Variants in MACO1 observed in about 807,000 individuals in gnomAD.
The protein encoded by MACO1 is macoilin.
MACO1 carries 14 observed loss-of-function variants against 78.7 expected under a neutral mutation model. That is an observed-to-expected ratio of 0.18 (90% CI 0.12 to 0.28). The LOEUF (loss-of-function observed/expected upper bound fraction) is 0.28, where lower values mean the gene tolerates loss of function less well. MACO1 is among the 10% of genes least tolerant of loss of function. The pLI, the probability that MACO1 is intolerant of heterozygous loss-of-function variation, is 1.00. For missense variants in MACO1, 501 were observed against 799.0 expected (o/e 0.63, Z 4.50); for synonymous variants, 288 against 291.6 (o/e 0.99, Z 0.12).
At chr1:25,489,022 T>C in intron 8 of MACO1, 151 bp from the exon 9 acceptor site, 1 of 849,424 alleles carries the variant, frequency 1.2e-6, no homozygotes, top group African/African-American at 1.7e-5. Flanking sequence ...GGTTTCACCA[T>C]GCTGGTCAGG....
chr1:25,454,418 A>G lies in MACO1; in HGVS notation c.473+36A>G, dbSNP rs78382369. 2,647 of 1,038,950 alleles carry G rather than the reference A, an allele frequency of 2.5e-3. 3 individuals carry two copies. The highest frequency in any genetic ancestry group is 3.9e-3 in the East Asian group (112 of 28,426). 64.4% of individuals were successfully genotyped at this position (1,038,950 alleles called of 1,614,324 possible). On this transcript the variant is annotated intron_variant, in intron 4 of 10. Coordinates refer to ENST00000374343, the MANE Select transcript of MACO1 (RefSeq NM_018202.6). ...CATAAATGTATGTGTGTGTGTGTGT[A>G]TATGTGTGTATGTATATATATGTGT...
intron 1 of MACO1, among the ~76,000 whole-genome samples, chr1:25,437,771 A>G (rs2124568258): frequency 6.6e-6 from 1 of 152,280 alleles, no homozygotes; most frequent in Admixed American, 6.5e-5. Flanking sequence ...ATTCAAAAAA[A>G]TTAGCTGGGT....
rs1217088692 is a variant in MACO1 at position 25,491,211 on chromosome 1, G to C, written c.1618-199G>C. On this transcript the variant is annotated intron_variant, in intron 9 of 10. Coordinates refer to ENST00000374343, the MANE Select transcript of MACO1 (RefSeq NM_018202.6). ...AGACACATGCCCAGCACAGTCAAAT[G>C]ATCATCTTCTAAATATTTTTGTATG... The C allele has an allele frequency of 2.0e-5, 4 of 197,540 alleles. No individual in the cohort carries two copies. In the East Asian group the frequency reaches 7.4e-4, roughly 37 times the overall value. The allele number at this position is 197,540 out of a possible 1,614,324, so 12.2% of individuals were successfully genotyped here.
chr1:25,444,287 T>TGG lies in MACO1; in HGVS notation c.81-2471_81-2470dup, dbSNP rs554494287. Among the ~76,000 whole-genome samples, 435 of 150,838 alleles carry TGG rather than the reference T, an allele frequency of 2.9e-3. 1 individual carries two copies. The highest frequency in any genetic ancestry group is 4.3e-3 in the Non-Finnish European group (289 of 67,730). On this transcript the variant is annotated intron_variant, in intron 1 of 10. Coordinates refer to ENST00000374343, the MANE Select transcript of MACO1 (RefSeq NM_018202.6). ...ATAAATAAATAAATAAATAAAGAGA[T>TGG]GGGGGTCTCACTTTGTTGACCAGGC...
At chr1:25,434,280 G>C (rs1377475151) in intron 1 of MACO1, among the ~76,000 whole-genome samples, 1 of 152,202 alleles carries the variant, frequency 6.6e-6, no homozygotes, top group Admixed American at 6.5e-5. Context: ...AGGGGCTAAA[G>C]TTCGATGTAG....
chr1:25,465,603 T>A (rs2043211665), intron 6 of MACO1, among the ~76,000 whole-genome samples: 1 of 152,232 alleles, frequency 6.6e-6, no homozygotes, highest in Non-Finnish European at 1.5e-5. Context: ...TTTGGTGAGG[T>A]GTCTGTTAAA....
At chr1:25,438,480 A>G (rs1016309873) in intron 1 of MACO1, among the ~76,000 whole-genome samples, 28 of 152,270 alleles carry the variant, frequency 1.8e-4, no homozygotes, top group African/African-American at 6.5e-4. Flanking sequence ...TGAGGAATAG[A>G]GAACTAAAAA....
chr1:25,458,247 T>G, intron 5 of MACO1, 144 bp from the exon 6 acceptor site: 3 of 1,087,426 alleles, frequency 2.8e-6, no homozygotes, highest in Non-Finnish European at 3.7e-6. Flanking sequence ...GAGGATTTGC[T>G]TCTTGATTAG....
intron 6 of MACO1, among the ~76,000 whole-genome samples, chr1:25,471,437 G>C (rs879506244): frequency 3.3e-5 from 5 of 151,970 alleles, no homozygotes; most frequent in Non-Finnish European, 5.9e-5. Context: ...GTCAATTGTA[G>C]TTGGCTGCCA....
chr1:25,463,778 G>A (rs963781051), intron 6 of MACO1, among the ~76,000 whole-genome samples: 43 of 152,152 alleles, frequency 2.8e-4, no homozygotes, highest in African/African-American at 9.4e-4. Flanking sequence ...TTAAAATTTT[G>A]TTGTCTTCTC....
At chr1:25,489,113 G>A in intron 8 of MACO1, 60 bp from the exon 9 acceptor site, 1 of 1,560,074 alleles carries the variant, frequency 6.4e-7, no homozygotes, top group Non-Finnish European at 8.7e-7. Flanking sequence ...GAGTCACAGG[G>A]CCCAGCCCCA....
rs1334174959 is a variant in MACO1, at chr1:25,458,613, A to G, written c.875A>G (p.His292Arg). ...CAAGAGATTGAGTATATGGAAAACC[A>G]TATCAATAGTAAAAGATTAAATAAT... ...KIQEIEYMEN[H>R]INSKRLNNDL... Residue 292 changes from histidine (H) to arginine (R), a missense_variant, in exon 6 of 11, where the codon CAT becomes CGT. By Grantham distance (29) the His-to-Arg change is conservative. Around this residue, in one of 5 missense-constraint regions of MACO1, gnomAD observed 90 missense variants for 85.7 expected, o/e 1.05. Coordinates refer to ENST00000374343, the MANE Select transcript of MACO1 (RefSeq NM_018202.6). The G allele has an allele frequency of 4.3e-6, 7 of 1,613,928 alleles. No individual in the cohort carries two copies. The highest frequency in any genetic ancestry group is 5.9e-6 in the Non-Finnish European group (7 of 1,179,976).
At chr1:25,466,614 G>A (rs1416420183) in intron 6 of MACO1, among the ~76,000 whole-genome samples, 2 of 152,038 alleles carry the variant, frequency 1.3e-5, no homozygotes, top group African/African-American at 2.4e-5. Context: ...CACCCGGCCA[G>A]TTCAGCCCAT....
chr1:25,442,087 T>C (rs2042978286), intron 1 of MACO1, among the ~76,000 whole-genome samples: 1 of 152,226 alleles, frequency 6.6e-6, no homozygotes, highest in African/African-American at 2.4e-5. Flanking sequence ...TTAGATTAAA[T>C]AGGTCCTGAA....
At chr1:25,491,279 A>G (rs1037663901) in intron 9 of MACO1, 131 bp from the exon 10 acceptor site, 36 of 1,273,562 alleles carry the variant, frequency 2.8e-5, no homozygotes, top group Admixed American at 4.7e-5. Flanking sequence ...GCCTAAACCC[A>G]TGAAACACCA....
At chr1:25,449,761 G>A (rs1257609124) in intron 3 of MACO1, among the ~76,000 whole-genome samples, 1 of 152,242 alleles carries the variant, frequency 6.6e-6, no homozygotes. Flanking sequence ...GCTCACGCCT[G>A]TAATCCCAGC....
At chr1:25,493,211 T>A (rs1038341728) in intron 10 of MACO1, among the ~76,000 whole-genome samples, 1 of 152,164 alleles carries the variant, frequency 6.6e-6, no homozygotes, top group African/African-American at 2.4e-5. Context: ...CTATCAATAT[T>A]TACCTACTAG....
chr1:25,440,954 G>A (rs1250141928), intron 1 of MACO1, among the ~76,000 whole-genome samples: 1 of 152,128 alleles, frequency 6.6e-6, no homozygotes, highest in Non-Finnish European at 1.5e-5. Flanking sequence ...CCAGAACAAG[G>A]CTTATTAAAT....
intron 1 of MACO1, among the ~76,000 whole-genome samples, chr1:25,433,558 C>T (rs1045732769): frequency 6.6e-6 from 1 of 152,134 alleles, no homozygotes; most frequent in Non-Finnish European, 1.5e-5. Flanking sequence ...TCTACTGTTT[C>T]ATAGCCAAAC....
Sources: gnomAD v4.1 joint callset for allele counts (sites outside exome capture counted in the v4.1 genomes callset) on GRCh38, gnomAD v4.1.1 for gene constraint, gnomAD v4.1.1 regional missense constraint, MANE v1.5 for transcripts, NCBI Gene and HGNC (gene_info 2026-07-23, HGNC 2026-07-21) for gene names.